Variants in KAT2B observed in about 807,000 individuals in gnomAD.
KAT2B encodes lysine acetyltransferase 2B.
In KAT2B, 36 loss-of-function variants were observed where a neutral mutation model predicts 105.9. The observed-to-expected ratio is 0.34, with a 90% CI of 0.26 to 0.45. The LOEUF (loss-of-function observed/expected upper bound fraction) is 0.45. KAT2B is among the 20% of genes least tolerant of loss of function. The pLI is 1.00. For missense variants in KAT2B, 820 were observed against 1,021.6 expected (o/e 0.80, Z 2.69); for synonymous variants, 397 against 377.9 (o/e 1.05, Z -0.59).
Position 20,081,887 on chromosome 3 carries a change from A to ATATATATATATATATATG in KAT2B, c.430+9431_430+9432insATATATATATATATGTAT, listed in dbSNP as rs1559305725. The stretch of plus-strand genomic sequence containing the variant: ...TTTGCTGTCATTGGCTCATATATAT[A>ATATATATATATATATATG]TATGTATAAATGTATATAGAGAGTC... On this transcript the variant is annotated intron_variant, in intron 2 of 17. Coordinates refer to ENST00000263754, the MANE Select transcript of KAT2B (RefSeq NM_003884.5). 4.7e-5 allele frequency among the ~76,000 whole-genome samples: 7 copies of ATATATATATATATATATG among 148,008 alleles called. No individual in the cohort carries two copies. The South Asian group carries it at 1.1e-3, about 23-fold the overall frequency.
At chr3:20,074,413 A>T (rs1431294281) in intron 2 of KAT2B, among the ~76,000 whole-genome samples, 1 of 152,148 alleles carries the variant, frequency 6.6e-6, no homozygotes, top group Non-Finnish European at 1.5e-5. Flanking sequence ...CCTGGACCTC[A>T]GTTTTTTCAA....
chr3:20,064,169 TTTG>T (rs1374542592), intron 1 of KAT2B, among the ~76,000 whole-genome samples: 6 of 152,204 alleles, frequency 3.9e-5, no homozygotes, highest in Non-Finnish European at 8.8e-5. Context: ...TGCCTGATAA[TTTG>T]TTATTGTCAG....
At chr3:20,075,923 A>T (rs1019221503) in intron 2 of KAT2B, among the ~76,000 whole-genome samples, 2 of 151,418 alleles carry the variant, frequency 1.3e-5, no homozygotes, top group African/African-American at 2.4e-5. Context: ...AAAAAAAAAA[A>T]ATTTTTTTCA....
chr3:20,060,489 T>C (rs1698081992), intron 1 of KAT2B, among the ~76,000 whole-genome samples: 1 of 152,130 alleles, frequency 6.6e-6, no homozygotes. Flanking sequence ...TAATCCCAGC[T>C]ACTGGGGAGG....
intron 1 of KAT2B, among the ~76,000 whole-genome samples, chr3:20,062,025 C>CATAATATATAAAACAT (rs1371490945): frequency 2.7e-5 from 1 of 36,856 alleles, no homozygotes; most frequent in Non-Finnish European, 3.8e-5. Flanking sequence ...ATATATAAAA[C>CATAATATATAAAACAT]ATAATATATA....
At chr3:20,062,011 T>TAAAA (rs1172435775) in intron 1 of KAT2B, among the ~76,000 whole-genome samples, 4 of 74,364 alleles carry the variant, frequency 5.4e-5, no homozygotes, top group African/African-American at 1.6e-4. Flanking sequence ...ATATAATATA[T>TAAAA]ATTATATATA....
rs1559513963 is a variant in KAT2B, at chr3:20,062,025, C to CATAATATATATTATATAAAACAT, written c.304-10291_304-10290insAAACATATAATATATATTATATA. Among the ~76,000 whole-genome samples the CATAATATATATTATATAAAACAT allele has an allele frequency of 7.1e-3, 263 of 36,860 alleles. 12 individuals are homozygous for CATAATATATATTATATAAAACAT. The East Asian group carries it at 0.086, about 12-fold the overall frequency. 24.2% of individuals were successfully genotyped at this position (36,860 alleles called of 152,430 possible). On this transcript the variant is annotated intron_variant, in intron 1 of 17. Transcript: ENST00000263754. Reference sequence around the variant, plus strand: ...CATATAATATATATTATATATAAAACATAATATATATTATATATAAAACAT... The same window carrying CATAATATATATTATATAAAACAT: ...CATATAATATATATTATATATAAAACATAATATATATTATATAAAACATATAATATATATTATATATAAAACAT...
At chr3:20,135,015 G>A (rs956791137) in intron 11 of KAT2B, among the ~76,000 whole-genome samples, 2 of 152,094 alleles carry the variant, frequency 1.3e-5, no homozygotes, top group Non-Finnish European at 2.9e-5. Context: ...CAATTGCTCA[G>A]TAGCCACATG....
intron 17 of KAT2B, chr3:20,148,701 CAT>C: frequency 2.2e-6 from 1 of 463,384 alleles, no homozygotes; most frequent in South Asian, 4.0e-5. Context: ...TTAGAGCCCA[CAT>C]GAGCTTAACG....
In KAT2B at chr3:20,145,554, G is replaced by GTTTTTTTTTTTTTTT. The variant is rs550166293; in HGVS notation, c.2005-751_2005-737dup. Among the ~76,000 whole-genome samples the GTTTTTTTTTTTTTTT allele has an allele frequency of 7.3e-4, 67 of 92,070 alleles. 4 individuals are homozygous for GTTTTTTTTTTTTTTT. The highest frequency in any genetic ancestry group is 1.2e-3 in the Admixed American group (9 of 7,288). 60.4% of individuals were successfully genotyped at this position (92,070 alleles called of 152,430 possible). On this transcript the variant is annotated intron_variant, in intron 13 of 17. Transcript: ENST00000263754. The stretch of plus-strand genomic sequence containing the variant: ...TTAATTTCCGGATGGGATTTTTTTA[G>GTTTTTTTTTTTTTTT]TTTTTTTTTTTTTTTTTTTTTTTTT...
In KAT2B at chr3:20,072,505, C is replaced by A. The variant is rs148170754; in HGVS notation, c.430+46C>A. The A allele has an allele frequency of 5.7e-6, 9 of 1,578,460 alleles. No homozygotes were observed. The South Asian group carries it at 7.8e-5, about 14-fold the overall frequency. On this transcript the variant is annotated intron_variant, in intron 2 of 17. Coordinates refer to ENST00000263754, the MANE Select transcript of KAT2B (RefSeq NM_003884.5). ...GGAAAGTATAACGAGTTCATTGTAG[C>A]GTGAGACTCTTAACTTACTGAATTC...
chr3:20,096,082 G>A (rs1285134316), intron 3 of KAT2B, among the ~76,000 whole-genome samples: 1 of 152,088 alleles, frequency 6.6e-6, no homozygotes, highest in Non-Finnish European at 1.5e-5. Context: ...AGCAAGGAGG[G>A]CAGCGTGGTG....
intron 9 of KAT2B, among the ~76,000 whole-genome samples, chr3:20,124,614 AGG>A (rs1293689533): frequency 6.6e-6 from 1 of 152,198 alleles, no homozygotes; most frequent in Admixed American, 6.5e-5. Flanking sequence ...TGAGATTTGG[AGG>A]GGTCACACAT....
At chr3:20,151,036 A>G (rs1272017589) in intron 17 of KAT2B, among the ~76,000 whole-genome samples, 1 of 152,224 alleles carries the variant, frequency 6.6e-6, no homozygotes, top group East Asian at 1.9e-4. Context: ...TCTTTAAATG[A>G]GAGAACATTT....
intron 1 of KAT2B, among the ~76,000 whole-genome samples, chr3:20,055,755 G>A (rs144289878): frequency 5.3e-4 from 80 of 152,226 alleles, no homozygotes; most frequent in South Asian, 4.1e-4. Flanking sequence ...CAACAAATAC[G>A]TATCAAGACA....
chr3:20,043,295 T>C (rs6805894), intron 1 of KAT2B, among the ~76,000 whole-genome samples: 12,664 of 152,230 alleles, frequency 0.083, 925 homozygotes, highest in African/African-American at 0.2. Flanking sequence ...GCTGGGCCTA[T>C]GACACACAGA....
chr3:20,119,461 C>T (rs192135299), intron 7 of KAT2B, 137 bp from the exon 8 acceptor site: 3 of 748,488 alleles, frequency 4.0e-6, no homozygotes, highest in East Asian at 5.1e-5. Context: ...TATTTTGATG[C>T]CTTGTGGCTT....
At chr3:20,047,555 C>G (rs1697835451) in intron 1 of KAT2B, among the ~76,000 whole-genome samples, 1 of 151,658 alleles carries the variant, frequency 6.6e-6, no homozygotes, top group Non-Finnish European at 1.5e-5. Flanking sequence ...TCACCACAAC[C>G]CAGTGTTATG....
At chr3:20,138,513 C>G (rs1699642783) in intron 12 of KAT2B, among the ~76,000 whole-genome samples, 1 of 151,844 alleles carries the variant, frequency 6.6e-6, no homozygotes, top group Non-Finnish European at 1.5e-5. Context: ...TAATGTGTTG[C>G]TAAATATTTT....
Sources: allele counts gnomAD v4.1 joint callset (sites outside exome capture counted in the v4.1 genomes callset), GRCh38; gene constraint gnomAD v4.1.1; transcripts MANE v1.5; gene names NCBI Gene and HGNC (gene_info 2026-07-23, HGNC 2026-07-21).